Variants in DTNBP1 observed in about 807,000 individuals in gnomAD.
DTNBP1 encodes the protein dysbindin.
A neutral mutation model predicts 42.8 loss-of-function variants in DTNBP1; 35 were observed. The observed-to-expected ratio is 0.82, with a 90% CI of 0.63 to 1.09. The LOEUF is 1.09. Among genes scored for constraint, DTNBP1 ranks in the 50% least tolerant of loss-of-function variants. The pLI is 0.00. For synonymous variants in DTNBP1, 171 were observed against 162.2 expected, an observed-to-expected ratio of 1.05 and a Z score of -0.41; for missense variants, 457 against 424.2, an observed-to-expected ratio of 1.08 and a Z score of -0.68.
chr6:15,568,243 C>A (rs1215825168), intron 7 of DTNBP1, among the ~76,000 whole-genome samples: 2 of 152,214 alleles, frequency 1.3e-5, no homozygotes, highest in East Asian at 3.8e-4. Context: ...TAAGTTCCCC[C>A]AACTCCCATT....
chr6:15,575,868 A>C (rs1335967803), intron 7 of DTNBP1, among the ~76,000 whole-genome samples: 1 of 152,170 alleles, frequency 6.6e-6, no homozygotes, highest in Non-Finnish European at 1.5e-5. Flanking sequence ...GAAGAGCATA[A>C]AGAAATGGAC....
At chr6:15,632,239 A>G (rs1389706140) in intron 4 of DTNBP1, among the ~76,000 whole-genome samples, 1 of 152,196 alleles carries the variant, frequency 6.6e-6, no homozygotes, top group African/African-American at 2.4e-5. Context: ...GATTAAAAAA[A>G]GTTTTGACAA....
rs1262359351 is a variant in DTNBP1 at position 15,632,281 on chromosome 6, CT to C, written c.223-4807del. The stretch of plus-strand genomic sequence containing the variant: ...TCAATGTACTTATTTATGGCTGGTG[CT>C]TTTTATATCTTACTTAAGAAATCTT... On this transcript the variant is annotated intron_variant, in intron 4 of 9. Coordinates refer to ENST00000344537, the MANE Select transcript of DTNBP1 (RefSeq NM_032122.5). Among the ~76,000 whole-genome samples the C allele has an allele frequency of 2.0e-5, 3 of 152,018 alleles. No homozygotes were observed. The East Asian group carries it at 5.8e-4, about 29-fold the overall frequency.
intron 5 of DTNBP1, among the ~76,000 whole-genome samples, chr6:15,618,943 G>A (rs750450142): frequency 1.6e-4 from 25 of 152,110 alleles, no homozygotes. Context: ...GATAAGCCTC[G>A]AGGACATTAT....
At chr6:15,616,295 G>A (rs1460885346) in intron 5 of DTNBP1, among the ~76,000 whole-genome samples, 4 of 152,216 alleles carry the variant, frequency 2.6e-5, no homozygotes, top group African/African-American at 4.8e-5. Flanking sequence ...TGAGAACTCA[G>A]AGCCTCATAA....
intron 7 of DTNBP1, among the ~76,000 whole-genome samples, chr6:15,546,270 T>C (rs1409519294): frequency 6.6e-6 from 1 of 152,002 alleles, no homozygotes; most frequent in Non-Finnish European, 1.5e-5. Context: ...TTCATCATGT[T>C]GGTCAGGCTG....
intron 6 of DTNBP1, among the ~76,000 whole-genome samples, chr6:15,609,378 G>A (rs938809731): frequency 6.6e-6 from 1 of 151,592 alleles, no homozygotes; most frequent in Non-Finnish European, 1.5e-5. Flanking sequence ...GGAGTGCAGT[G>A]GTGCAATCTC....
At chr6:15,653,446 A>G (rs1036274538) in intron 1 of DTNBP1, among the ~76,000 whole-genome samples, 2 of 152,234 alleles carry the variant, frequency 1.3e-5, no homozygotes, top group African/African-American at 4.8e-5. Context: ...TGCTTCTGCC[A>G]GCTATTTAAT....
At chr6:15,603,333 C>A (rs1776801929) in intron 6 of DTNBP1, among the ~76,000 whole-genome samples, 1 of 152,136 alleles carries the variant, frequency 6.6e-6, no homozygotes, top group African/African-American at 2.4e-5. Flanking sequence ...TGGGAACCAT[C>A]TAAAATCTAG....
chr6:15,601,911 G>A (rs1776747054), intron 6 of DTNBP1, among the ~76,000 whole-genome samples: 1 of 149,974 alleles, frequency 6.7e-6, no homozygotes, highest in African/African-American at 2.5e-5. Context: ...GAAACTTCCA[G>A]AGAGGAAGGA....
intron 9 of DTNBP1, 96 bp from the exon 10 acceptor site, chr6:15,523,315 G>C: frequency 1.9e-6 from 3 of 1,541,440 alleles, no homozygotes; most frequent in Non-Finnish European, 2.7e-6. Context: ...TCATGAAAGG[G>C]GGGTGTGGTT....
chr6:15,539,254 TTC>T (rs1773419421), intron 7 of DTNBP1, among the ~76,000 whole-genome samples: 1 of 152,254 alleles, frequency 6.6e-6, no homozygotes. Flanking sequence ...CCTCTGTGCA[TTC>T]TGCTCATACT....
At chr6:15,598,708 G>T in intron 6 of DTNBP1, among the ~76,000 whole-genome samples, 1 of 150,940 alleles carries the variant, frequency 6.6e-6, no homozygotes, top group African/African-American at 2.4e-5. Context: ...GGGGGATTGG[G>T]GGTGGGTGGT....
At chr6:15,649,013 G>A (rs559579738) in intron 3 of DTNBP1, among the ~76,000 whole-genome samples, 5 of 152,170 alleles carry the variant, frequency 3.3e-5, no homozygotes, top group South Asian at 4.2e-4. Flanking sequence ...AGAAAATAGC[G>A]AGCGTTGGTG....
intron 4 of DTNBP1, among the ~76,000 whole-genome samples, chr6:15,633,208 T>G (rs542452222): frequency 3.0e-4 from 45 of 152,208 alleles, no homozygotes; most frequent in Non-Finnish European, 5.0e-4. Flanking sequence ...TAATGCAACA[T>G]CCATTCTGTA....
rs145771440 is a variant in DTNBP1 at position 15,576,188 on chromosome 6, G to A, written c.511+16871C>T. On this transcript the variant is annotated intron_variant, in intron 7 of 9. Coordinates refer to ENST00000344537, the MANE Select transcript of DTNBP1 (RefSeq NM_032122.5). ...GGCTGGAGTGCAGTGGCACTATCTC[G>A]GCTCACTGCAACCTCCACCTCCCGA... 4.3e-4 allele frequency among the ~76,000 whole-genome samples: 65 copies of A among 151,600 alleles called. 2 individuals carry two copies. The East Asian group carries it at 0.012, about 27-fold the overall frequency.
chr6:15,538,736 G>T (rs1773387406), intron 7 of DTNBP1, among the ~76,000 whole-genome samples: 1 of 152,166 alleles, frequency 6.6e-6, no homozygotes, highest in Admixed American at 6.5e-5. Flanking sequence ...CCCTGTGTCT[G>T]TGGCAGACAC....
At chr6:15,558,147 C>A (rs1237186254) in intron 7 of DTNBP1, among the ~76,000 whole-genome samples, 1 of 151,610 alleles carries the variant, frequency 6.6e-6, no homozygotes, top group East Asian at 1.9e-4. Flanking sequence ...CAGAAGCAAC[C>A]AAATTTCCTT....
At chr6:15,639,553 G>A (rs1198724316) in intron 3 of DTNBP1, among the ~76,000 whole-genome samples, 1 of 152,134 alleles carries the variant, frequency 6.6e-6, no homozygotes, top group Non-Finnish European at 1.5e-5. Context: ...GAAAATTAAG[G>A]TGGAAGGTCA....
Sources: gnomAD v4.1 joint callset for allele counts (sites outside exome capture counted in the v4.1 genomes callset) on GRCh38, gnomAD v4.1.1 for gene constraint, MANE v1.5 for transcripts, NCBI Gene and HGNC (gene_info 2026-07-23, HGNC 2026-07-21) for gene names.